Variants in GRIA2 observed in about 807,000 individuals in gnomAD.
GRIA2 encodes the protein glutamate ionotropic receptor AMPA type subunit 2.
In GRIA2, 14 loss-of-function variants were observed where a neutral mutation model predicts 97.3. That is an observed-to-expected ratio of 0.14 (90% confidence interval 0.10 to 0.23). The LOEUF (loss-of-function observed/expected upper bound fraction) is 0.23, where lower values mean the gene tolerates loss of function less well. Ranked by LOEUF, GRIA2 falls within the 10% of genes least tolerant of loss-of-function variation. The pLI is 1.00. For synonymous variants in GRIA2, 412 were observed against 387.8 expected, an observed-to-expected ratio of 1.06 and a Z score of -0.73; for missense variants, 558 against 1,069.8, an observed-to-expected ratio of 0.52 and a Z score of 6.67.
intron 6 of GRIA2, among the ~76,000 whole-genome samples, chr4:157,326,183 A>G (rs1734795652): frequency 6.6e-6 from 1 of 151,936 alleles, no homozygotes. Context: ...CCCCTTAAAT[A>G]TTTGCATGGC....
chr4:157,275,960 G>A (rs895795169), intron 2 of GRIA2, among the ~76,000 whole-genome samples: 2 of 152,058 alleles, frequency 1.3e-5, no homozygotes, highest in Non-Finnish European at 2.9e-5. Flanking sequence ...TGGGCAGTAT[G>A]GCCATTTTCA....
intron 2 of GRIA2, among the ~76,000 whole-genome samples, chr4:157,222,547 T>C (rs1339025962): frequency 6.6e-6 from 1 of 151,994 alleles, no homozygotes; most frequent in Non-Finnish European, 1.5e-5. Context: ...CCGCTTAAGT[T>C]GGAGGGGGCG....
At chr4:157,230,927 C>T (rs990309140) in intron 2 of GRIA2, among the ~76,000 whole-genome samples, 5 of 152,128 alleles carry the variant, frequency 3.3e-5, no homozygotes, top group East Asian at 3.9e-4. Flanking sequence ...TATCACAGCT[C>T]GCTTCAGTCT....
intron 2 of GRIA2, among the ~76,000 whole-genome samples, chr4:157,226,856 G>C (rs1469898291): frequency 6.6e-6 from 1 of 152,134 alleles, no homozygotes; most frequent in Non-Finnish European, 1.5e-5. Flanking sequence ...ACATGTGCCA[G>C]GGACACAATA....
At chr4:157,312,968 A>G in intron 4 of GRIA2, 93 bp downstream of exon 4, 1 of 682,266 alleles carries the variant, frequency 1.5e-6, no homozygotes, top group Non-Finnish European at 2.4e-6. Context: ...GTGCTTGAAC[A>G]GCAGTTTTTG....
rs750855747 is a variant in GRIA2, at chr4:157,248,525, A to ATG, written c.229+26730_229+26731dup. On this transcript the variant is annotated intron_variant, in intron 2 of 15. Transcript: ENST00000264426. ...GAGGTTTCAGTGAGCCTATATATAT[A>ATG]TGTGTGTGTGTGTTTATGTGTGTGT... Among the ~76,000 whole-genome samples, 11 of 39,420 alleles carry ATG rather than the reference A, an allele frequency of 2.8e-4. No individual in the cohort carries two copies. In the East Asian group the frequency reaches 3.3e-3, roughly 12 times the overall value. The allele number at this position is 39,420 out of a possible 152,430, so 25.9% of individuals were successfully genotyped here.
chr4:157,253,264 A>G (rs1731093953), intron 2 of GRIA2, among the ~76,000 whole-genome samples: 1 of 151,782 alleles, frequency 6.6e-6, no homozygotes, highest in Non-Finnish European at 1.5e-5. Flanking sequence ...TCACAGGCAC[A>G]CACCACCACA....
intron 4 of GRIA2, among the ~76,000 whole-genome samples, chr4:157,315,693 C>A (rs769783289): frequency 6.6e-6 from 1 of 152,204 alleles, no homozygotes; most frequent in South Asian, 2.1e-4. Flanking sequence ...CAGGCACACA[C>A]CACGCCCAGC....
intron 2 of GRIA2, among the ~76,000 whole-genome samples, chr4:157,251,397 C>A (rs1015274864): frequency 6.6e-6 from 1 of 152,012 alleles, no homozygotes; most frequent in Non-Finnish European, 1.5e-5. Flanking sequence ...AATGTGGATT[C>A]CCAACTGGCA....
chr4:157,250,340 G>A (rs1276101002), intron 2 of GRIA2, among the ~76,000 whole-genome samples: 1 of 152,082 alleles, frequency 6.6e-6, no homozygotes, highest in Admixed American at 6.6e-5. Flanking sequence ...TAATGCCATA[G>A]GAAAGAGAGT....
chr4:157,294,903 C>A (rs1262585671), intron 2 of GRIA2, among the ~76,000 whole-genome samples: 1 of 152,080 alleles, frequency 6.6e-6, no homozygotes, highest in Non-Finnish European at 1.5e-5. Flanking sequence ...AGCAAGAGTT[C>A]ACAGAGGATA....
chr4:157,327,651 C>A (rs1271378876), intron 6 of GRIA2, among the ~76,000 whole-genome samples: 1 of 152,052 alleles, frequency 6.6e-6, no homozygotes, highest in Non-Finnish European at 1.5e-5. Flanking sequence ...CACATAGTAA[C>A]CTTTGTTCAA....
At position 157,361,255 on chromosome 4, in the gene GRIA2, A is replaced by G. The variant is rs1157125462; in HGVS notation, c.2406+131A>G. ...TGAAGAGTGCAATTGGATGACCAGG[A>G]CACTTGACTTCTTCTTTCTTTCTTC... On this transcript the variant is annotated intron_variant, in intron 14 of 15. Transcript: ENST00000264426. This position sits in a 1 kb window ranked among gnomAD's most constrained non-coding sequence, Gnocchi z 5.2. The G allele has an allele frequency of 2.9e-6, 2 of 690,080 alleles. No homozygotes were observed. 42.7% of individuals were successfully genotyped at this position (690,080 alleles called of 1,614,324 possible).
intron 3 of GRIA2, among the ~76,000 whole-genome samples, chr4:157,312,396 TA>T (rs1350071997): frequency 6.6e-6 from 1 of 152,126 alleles, no homozygotes; most frequent in African/African-American, 2.4e-5. Flanking sequence ...AGTAATACTC[TA>T]AAGAAGACAG....
chr4:157,241,195 A>G (rs1451453158), intron 2 of GRIA2, among the ~76,000 whole-genome samples: 1 of 152,122 alleles, frequency 6.6e-6, no homozygotes, highest in Non-Finnish European at 1.5e-5. Context: ...GAAGGCTTTG[A>G]TGGATACAGA....
chr4:157,240,406 A>G (rs1730452458), intron 2 of GRIA2, among the ~76,000 whole-genome samples: 2 of 152,116 alleles, frequency 1.3e-5, no homozygotes, highest in African/African-American at 4.8e-5. Context: ...TTTTTGAAAT[A>G]TCTTGGAGTT....
chr4:157,358,362 C>G (rs1736483947), intron 12 of GRIA2, among the ~76,000 whole-genome samples: 1 of 152,102 alleles, frequency 6.6e-6, no homozygotes, highest in Non-Finnish European at 1.5e-5. Flanking sequence ...CTAAACATAG[C>G]TGGGGTCCTA....
At chr4:157,262,874 A>G (rs984109944) in intron 2 of GRIA2, among the ~76,000 whole-genome samples, 2 of 152,066 alleles carry the variant, frequency 1.3e-5, no homozygotes, top group East Asian at 3.9e-4. Context: ...TAATACCTCC[A>G]AAATGATTTA....
intron 2 of GRIA2, among the ~76,000 whole-genome samples, chr4:157,251,798 A>G (rs1248050012): frequency 6.6e-6 from 1 of 152,118 alleles, no homozygotes; most frequent in Non-Finnish European, 1.5e-5. Context: ...AAATTTGTTC[A>G]TTCAGTCATT....
Sources: allele counts gnomAD v4.1 joint callset (sites outside exome capture counted in the v4.1 genomes callset), GRCh38; gene constraint gnomAD v4.1.1; non-coding constraint Gnocchi (gnomAD v3.1); transcripts MANE v1.5; gene names NCBI Gene and HGNC (gene_info 2026-07-23, HGNC 2026-07-21).